TRPM3: variants seen among roughly 807,000 people sequenced by gnomAD.
TRPM3 encodes the protein long transient receptor potential channel 3.
Under a neutral mutation model 181.2 loss-of-function variants are expected in TRPM3, and 77 were observed. The ratio of observed to expected loss-of-function variants is 0.42; its 90% CI spans 0.35 to 0.51. TRPM3 has a LOEUF of 0.51. Ranked by LOEUF, TRPM3 falls within the 20% of genes least tolerant of loss-of-function variation. TRPM3 has a pLI of 0.01. For synonymous variants in TRPM3, 745 were observed against 796.4 expected (o/e 0.94, Z 1.09); for missense variants, 1,759 against 2,196.7 (o/e 0.80, Z 3.98).
At chr9:71,163,432 C>T (rs1328673563) in intron 1 of TRPM3, among the ~76,000 whole-genome samples, 1 of 151,984 alleles carries the variant, frequency 6.6e-6, no homozygotes, top group African/African-American at 2.4e-5. Context: ...GCAGAAGTGA[C>T]TGAGATAGAG....
rs2061008457 is a variant in TRPM3 at position 70,605,956 on chromosome 9, ACCT to A, written c.2668-2489_2668-2487del. Among the ~76,000 whole-genome samples the A allele has an allele frequency of 2.0e-5, 3 of 152,222 alleles. No individual in the cohort carries two copies. In the East Asian group the frequency reaches 5.8e-4, roughly 29 times the overall value. On this transcript the variant is annotated intron_variant, in intron 19 of 25. Coordinates refer to ENST00000677713, the MANE Select transcript of TRPM3 (RefSeq NM_001366145.2). ...TTTTAATACTTAAGTAACTCCTTAA[ACCT>A]ATTTTAATGCTTAAGTAACTCCTTG...
rs150326946 is a variant in TRPM3 at position 70,689,421 on chromosome 9, T to A, written c.1273-7843A>T. 1.1e-4 allele frequency among the ~76,000 whole-genome samples: 16 copies of A among 152,154 alleles called. No homozygotes were observed. The East Asian group carries it at 3.1e-3, about 29-fold the overall frequency. Reference sequence around the variant, plus strand: ...CAATAGAAGGGCACAGTTTTAAGGTTTTTACACTATCGATGAATACTGAAA... The same window carrying A: ...CAATAGAAGGGCACAGTTTTAAGGTATTTACACTATCGATGAATACTGAAA... On this transcript the variant is annotated intron_variant, in intron 8 of 25. Transcript: ENST00000677713.
chr9:71,352,644 T>C (rs2091705073), intron 1 of TRPM3, among the ~76,000 whole-genome samples: 1 of 152,170 alleles, frequency 6.6e-6, no homozygotes, highest in South Asian at 2.1e-4. Context: ...TTGCCACAAG[T>C]CTTTATAAAT....
chr9:71,047,923 A>G (rs113088241), intron 1 of TRPM3, among the ~76,000 whole-genome samples: 11 of 152,128 alleles, frequency 7.2e-5, no homozygotes, highest in Non-Finnish European at 1.3e-4. Flanking sequence ...CTCATTTACC[A>G]GTGACTCACC....
At chr9:71,367,373 G>T (rs536427134) in intron 1 of TRPM3, among the ~76,000 whole-genome samples, 1 of 152,160 alleles carries the variant, frequency 6.6e-6, no homozygotes, top group African/African-American at 2.4e-5. Context: ...TAATCTTCAG[G>T]AGAGCTCAAT....
At chr9:70,881,224 C>T (rs1409734958) in intron 1 of TRPM3, among the ~76,000 whole-genome samples, 2 of 151,988 alleles carry the variant, frequency 1.3e-5, no homozygotes, top group Non-Finnish European at 2.9e-5. Context: ...ACTGGCTTAC[C>T]ATATAGAGAC....
intron 6 of TRPM3, among the ~76,000 whole-genome samples, chr9:70,814,640 C>G (rs1406220171): frequency 6.6e-6 from 1 of 152,100 alleles, no homozygotes; most frequent in Non-Finnish European, 1.5e-5. Context: ...CCTTAACCAG[C>G]CTCTCTTATG....
At chr9:70,922,226 C>T (rs2096664822) in intron 1 of TRPM3, among the ~76,000 whole-genome samples, 1 of 152,134 alleles carries the variant, frequency 6.6e-6, no homozygotes, top group Non-Finnish European at 1.5e-5. Flanking sequence ...TTTGTACTAA[C>T]TACATTCCTT....
chr9:71,036,913 G>C (rs1269068206), intron 1 of TRPM3, among the ~76,000 whole-genome samples: 2 of 152,106 alleles, frequency 1.3e-5, no homozygotes, highest in African/African-American at 4.8e-5. Context: ...TTTAAATTAT[G>C]TGATATTTTG....
At chr9:71,402,666 A>G (rs1345012772) in intron 1 of TRPM3, among the ~76,000 whole-genome samples, 4 of 152,228 alleles carry the variant, frequency 2.6e-5, no homozygotes, top group Non-Finnish European at 5.9e-5. Context: ...TTTCATTTCA[A>G]TGACCTCTGA....
intron 22 of TRPM3, among the ~76,000 whole-genome samples, chr9:70,580,696 A>G (rs1207740312): frequency 6.6e-6 from 1 of 152,150 alleles, no homozygotes; most frequent in Non-Finnish European, 1.5e-5. Flanking sequence ...ATGCCCTGTC[A>G]TTATCTGTCT....
At chr9:71,367,934 C>T (rs970441476) in intron 1 of TRPM3, among the ~76,000 whole-genome samples, 1 of 131,258 alleles carries the variant, frequency 7.6e-6, no homozygotes, top group Admixed American at 8.4e-5. Context: ...TTAGTATCTT[C>T]CTAAGCATTT....
intron 1 of TRPM3, among the ~76,000 whole-genome samples, chr9:70,889,983 C>T (rs928843531): frequency 6.8e-6 from 1 of 147,034 alleles, no homozygotes; most frequent in African/African-American, 2.5e-5. Flanking sequence ...ATATTTATAG[C>T]ATATTATATA....
chr9:70,968,356 G>C (rs897003749), intron 1 of TRPM3, among the ~76,000 whole-genome samples: 3 of 152,070 alleles, frequency 2.0e-5, no homozygotes, highest in Admixed American at 6.6e-5. Context: ...AGACTCTCCC[G>C]GAACAGACTG....
chr9:70,630,620 A>G (rs1187214034), intron 12 of TRPM3, among the ~76,000 whole-genome samples: 1 of 152,234 alleles, frequency 6.6e-6, no homozygotes, highest in Non-Finnish European at 1.5e-5. Flanking sequence ...CTGGAGGAAC[A>G]GTCATTCTGC....
chr9:70,885,165 G>T (rs1463098478), intron 1 of TRPM3, among the ~76,000 whole-genome samples: 1 of 152,100 alleles, frequency 6.6e-6, no homozygotes, highest in Admixed American at 6.5e-5. Flanking sequence ...ATCCTTGACG[G>T]TGCCATAAGA....
chr9:71,034,931 C>T (rs930682452), intron 1 of TRPM3, among the ~76,000 whole-genome samples: 2 of 151,938 alleles, frequency 1.3e-5, no homozygotes, highest in African/African-American at 4.8e-5. Flanking sequence ...TGTTCTACCT[C>T]ACACGTGCAT....
At chr9:71,320,057 G>C (rs972024844) in intron 1 of TRPM3, among the ~76,000 whole-genome samples, 1 of 152,050 alleles carries the variant, frequency 6.6e-6, no homozygotes, top group Non-Finnish European at 1.5e-5. Flanking sequence ...TATGAGTAAG[G>C]GTTGGGGTAG....
intron 1 of TRPM3, among the ~76,000 whole-genome samples, chr9:71,187,901 AG>A: frequency 1.2e-5 from 1 of 83,622 alleles, no homozygotes; most frequent in Non-Finnish European, 2.5e-5. Flanking sequence ...ATAGATAGAT[AG>A]ATAGATAGAT....
Sources: allele counts gnomAD v4.1 joint callset (sites outside exome capture counted in the v4.1 genomes callset), GRCh38; gene constraint gnomAD v4.1.1; transcripts MANE v1.5; gene names NCBI Gene and HGNC (gene_info 2026-07-23, HGNC 2026-07-21).